The following PLXNA4 variants were observed in gnomAD, a reference collection of about 807,000 sequenced individuals.
The protein encoded by PLXNA4 is plexin-A4.
Under a neutral mutation model 191.8 loss-of-function variants are expected in PLXNA4, and 44 were observed. The ratio of observed to expected loss-of-function variants is 0.23; its 90% CI spans 0.18 to 0.29. The LOEUF (loss-of-function observed/expected upper bound fraction) is 0.29. Among genes scored for constraint, PLXNA4 ranks in the 10% least tolerant of loss-of-function variants. The pLI is 1.00. For missense variants in PLXNA4, 1,800 were observed against 2,488.8 expected (o/e 0.72, Z 5.89); for synonymous variants, 1,082 against 1,009.5 (o/e 1.07, Z -1.36).
intron 3 of PLXNA4, among the ~76,000 whole-genome samples, chr7:132,397,785 A>T (rs1793824357): frequency 6.6e-6 from 1 of 152,224 alleles, no homozygotes; most frequent in Non-Finnish European, 1.5e-5. Flanking sequence ...TTTAATATGT[A>T]TTTCAGGTTG....
intron 3 of PLXNA4, among the ~76,000 whole-genome samples, chr7:132,395,266 G>A (rs1563075355): frequency 6.6e-6 from 1 of 152,200 alleles, no homozygotes; most frequent in Non-Finnish European, 1.5e-5. Flanking sequence ...AGGACCATGG[G>A]TTTTATGGGG....
rs116006493 is a variant in PLXNA4 at position 132,375,153 on chromosome 7, G to C, written c.1372-76931C>G. Among the ~76,000 whole-genome samples the C allele has an allele frequency of 2.8e-3, 425 of 152,312 alleles. 2 individuals are homozygous for C. The highest frequency in any genetic ancestry group is 0.01 in the African/African-American group (421 of 41,560). Reference sequence around the variant, plus strand: ...GCTGGGATTTTGAGTCCTACTAGTAGAGGCTTGGGCAAGGCCAGAGTAGGA... The same window carrying C: ...GCTGGGATTTTGAGTCCTACTAGTACAGGCTTGGGCAAGGCCAGAGTAGGA... On this transcript the variant is annotated intron_variant, in intron 3 of 31. Transcript: ENST00000321063.
chr7:132,646,944 TAC>T (rs1368962051), intron 1 of PLXNA4, among the ~76,000 whole-genome samples: 1 of 151,420 alleles, frequency 6.6e-6, no homozygotes, highest in Non-Finnish European at 1.5e-5. Context: ...CACACACATA[TAC>T]AAACACACGC....
At chr7:132,404,656 T>A (rs979535312) in intron 3 of PLXNA4, among the ~76,000 whole-genome samples, 1 of 152,230 alleles carries the variant, frequency 6.6e-6, no homozygotes, top group Non-Finnish European at 1.5e-5. Context: ...ATGAGCAATA[T>A]GATCATGTTA....
At chr7:132,496,636 G>A (rs1181980254) in intron 2 of PLXNA4, among the ~76,000 whole-genome samples, 4 of 152,124 alleles carry the variant, frequency 2.6e-5, no homozygotes, top group Non-Finnish European at 4.4e-5. Flanking sequence ...TCCTGCCCTT[G>A]TGATCCGTCC....
At position 132,140,492 on chromosome 7, in the gene PLXNA4, A is replaced by T; in HGVS notation, c.5438+107T>A. On this transcript the variant is annotated intron_variant, in intron 30 of 31. Coordinates refer to ENST00000321063, the MANE Select transcript of PLXNA4 (RefSeq NM_020911.2). ...GTGGCAGGATTAGGCTTTGTGAATG[A>T]CTCATCTGGAAACACAGCTGGTTTT... 11 of 1,460,538 alleles carry T rather than the reference A, an allele frequency of 7.5e-6. No individual in the cohort carries two copies. The South Asian group carries it at 1.5e-4, about 20-fold the overall frequency. 90.5% of individuals were successfully genotyped at this position (1,460,538 alleles called of 1,614,324 possible). A position where few individuals can be genotyped will look rare whatever the true frequency, so the allele number is the denominator to read the frequency against.
At chr7:132,497,720 G>C (rs1798083536) in intron 2 of PLXNA4, among the ~76,000 whole-genome samples, 1 of 152,136 alleles carries the variant, frequency 6.6e-6, no homozygotes, top group African/African-American at 2.4e-5. Flanking sequence ...GGCCCTATGA[G>C]ATTGAAGTCT....
chr7:132,160,896 C>T (rs1159645257), intron 24 of PLXNA4, among the ~76,000 whole-genome samples: 4 of 151,402 alleles, frequency 2.6e-5, no homozygotes, highest in Admixed American at 6.6e-5. Context: ...AGCTCAAATG[C>T]GAACATGCTT....
At chr7:132,563,156 C>T (rs1446379290) in intron 1 of PLXNA4, among the ~76,000 whole-genome samples, 4 of 75,460 alleles carry the variant, frequency 5.3e-5, no homozygotes, top group African/African-American at 1.4e-4. Context: ...TCCTCCTTCT[C>T]CTCCTCCTCC....
chr7:132,173,365 C>T (rs1259742272), intron 21 of PLXNA4, among the ~76,000 whole-genome samples: 1 of 152,208 alleles, frequency 6.6e-6, no homozygotes, highest in Non-Finnish European at 1.5e-5. Flanking sequence ...CGGGCTACAT[C>T]TACACATGCA....
At chr7:132,261,477 C>T (rs930174774) in intron 4 of PLXNA4, among the ~76,000 whole-genome samples, 1 of 152,250 alleles carries the variant, frequency 6.6e-6, no homozygotes, top group African/African-American at 2.4e-5. Context: ...TGCAGACACA[C>T]CACACTATTT....
At chr7:132,350,532 A>G (rs557035423) in intron 3 of PLXNA4, among the ~76,000 whole-genome samples, 1 of 152,190 alleles carries the variant, frequency 6.6e-6, no homozygotes, top group South Asian at 2.1e-4. Context: ...ATAAAAAAAT[A>G]AAAGAATACA....
At chr7:132,158,365 T>C (rs1390398624) in intron 25 of PLXNA4, among the ~76,000 whole-genome samples, 3 of 152,158 alleles carry the variant, frequency 2.0e-5, no homozygotes, top group South Asian at 2.1e-4. Flanking sequence ...AGAGGCCAGA[T>C]GGATGGATTA....
intron 13 of PLXNA4, among the ~76,000 whole-genome samples, chr7:132,196,264 A>AC (rs1311523962): frequency 2.0e-5 from 3 of 152,228 alleles, no homozygotes; most frequent in Non-Finnish European, 4.4e-5. Flanking sequence ...GCTCTTGCCT[A>AC]CCTACCATGC....
In PLXNA4 at chr7:132,129,140, G is replaced by C. The variant is rs1341759217; in HGVS notation, c.*1339C>G. The C allele has an allele frequency of 6.6e-6, 1 of 152,208 alleles. No individual in the cohort carries two copies. The highest frequency in any genetic ancestry group is 1.5e-5 in the Non-Finnish European group (1 of 68,054). The allele number at this position is 152,208 out of a possible 1,614,324, so 9.4% of individuals were successfully genotyped here. A position where few individuals can be genotyped will look rare whatever the true frequency, so the allele number is the denominator to read the frequency against. On this transcript the variant is annotated 3_prime_UTR_variant, in exon 32 of 32. Transcript: ENST00000321063. ...TAATTCCAGCCAGGCCCATCAGCTC[G>C]ACTCTTTGTCCCTCCCAGATCTGAC...
upstream of PLXNA4, chr7:132,577,420 G>A (rs374536480): frequency 4.7e-4 from 52 of 111,108 alleles, no homozygotes; most frequent in East Asian, 0.013. Flanking sequence ...CCCTCGCCTC[G>A]CCTCCTCTCC....
At chr7:132,602,348 C>T (rs532359391) in intron 2 of PLXNA4, among the ~76,000 whole-genome samples, 2 of 152,266 alleles carry the variant, frequency 1.3e-5, no homozygotes, top group Admixed American at 6.5e-5. Flanking sequence ...GTTTGGAGCT[C>T]AGTCCAGAGC....
intron 4 of PLXNA4, among the ~76,000 whole-genome samples, chr7:132,271,570 T>C (rs1800074056): frequency 6.6e-6 from 1 of 152,172 alleles, no homozygotes; most frequent in South Asian, 2.1e-4. Flanking sequence ...TAGAAGTCCA[T>C]TTCTGCACTG....
chr7:132,501,550 C>T (rs1340266349), intron 2 of PLXNA4, among the ~76,000 whole-genome samples: 1 of 152,196 alleles, frequency 6.6e-6, no homozygotes, highest in Non-Finnish European at 1.5e-5. Context: ...AAGCCAGCCT[C>T]AACTTTGCTC....
Sources: gnomAD v4.1 joint callset for allele counts (sites outside exome capture counted in the v4.1 genomes callset) on GRCh38, gnomAD v4.1.1 for gene constraint, MANE v1.5 for transcripts, NCBI Gene and HGNC (gene_info 2026-07-23, HGNC 2026-07-21) for gene names.